AP3M1: variants seen among roughly 807,000 people sequenced by gnomAD.
AP3M1 encodes adaptor related protein complex 3 subunit mu 1.
AP3M1 carries 29 observed loss-of-function variants against 42.6 expected under a neutral mutation model. The ratio of observed to expected loss-of-function variants is 0.68; its 90% confidence interval spans 0.51 to 0.93. The LOEUF is 0.93. AP3M1 is among the 40% of genes least tolerant of loss of function. The probability of loss-of-function intolerance (pLI) is 0.00; values close to 1 mark genes in which losing one functional copy is unlikely to be tolerated. For synonymous variants in AP3M1, 178 were observed against 175.3 expected, an observed-to-expected ratio of 1.02 and a Z score of -0.12; for missense variants, 416 against 510.2, an observed-to-expected ratio of 0.82 and a Z score of 1.78.
chr10:74,131,435 G>C (rs1840778338), intron 4 of AP3M1, among the ~76,000 whole-genome samples: 1 of 152,082 alleles, frequency 6.6e-6, no homozygotes, highest in African/African-American at 2.4e-5. Flanking sequence ...CTAAAGTGCT[G>C]GGATTACAGG....
At chr10:74,128,045 A>C (rs1326036901) in intron 6 of AP3M1, among the ~76,000 whole-genome samples, 1 of 149,566 alleles carries the variant, frequency 6.7e-6, no homozygotes, top group Non-Finnish European at 1.5e-5. Context: ...GGTTGCAGTA[A>C]GCCGAGATTT....
chr10:74,145,299 T>C (rs556258541), intron 1 of AP3M1, among the ~76,000 whole-genome samples: 2 of 152,320 alleles, frequency 1.3e-5, no homozygotes, highest in East Asian at 1.9e-4. Context: ...GTTGTTTTTA[T>C]TGGCAGTAGT....
rs1477644954 is a variant in AP3M1 at position 74,142,075 on chromosome 10, A to G, written c.-3-3693T>C. ...TTACAAGCTGTGTTCCTTCTATGAT[A>G]ACTCATTAGGCTTTACATTGTGATT... On this transcript the variant is annotated intron_variant, in intron 1 of 8. Coordinates refer to ENST00000355264, the MANE Select transcript of AP3M1 (RefSeq NM_012095.6). Among the ~76,000 whole-genome samples, 7 of 152,192 alleles carry G rather than the reference A, an allele frequency of 4.6e-5. No homozygotes were observed. In the South Asian group the frequency reaches 8.3e-4, roughly 18 times the overall value.
chr10:74,131,081 C>T (rs1175017268), intron 4 of AP3M1, among the ~76,000 whole-genome samples: 1 of 152,160 alleles, frequency 6.6e-6, no homozygotes. Context: ...CACTGCACTA[C>T]AGCCTGGGCG....
chr10:74,137,927 G>C (rs977074610), intron 2 of AP3M1, among the ~76,000 whole-genome samples, 180 bp downstream of exon 2: 2 of 152,162 alleles, frequency 1.3e-5, no homozygotes, highest in African/African-American at 4.8e-5. Flanking sequence ...ATAAAAAATA[G>C]TGAATAGAGC....
At chr10:74,147,809 GC>G (rs1841378568) in intron 1 of AP3M1, among the ~76,000 whole-genome samples, 3 of 152,012 alleles carry the variant, frequency 2.0e-5, no homozygotes, top group Non-Finnish European at 4.4e-5. Context: ...GACCAGCCTG[GC>G]CAACATGGCG....
chr10:74,149,267 G>GT lies in AP3M1; in HGVS notation c.-4+1487dup, dbSNP rs57279906. Among the ~76,000 whole-genome samples the GT allele has an allele frequency of 4.2e-4, 25 of 60,098 alleles. 7 individuals are homozygous for GT. Among genetic ancestry groups the GT allele is most frequent in the East Asian group, 1.9e-3 (4 of 2,076 alleles). The allele number at this position is 60,098 out of a possible 152,430, so 39.4% of individuals were successfully genotyped here. ...GAGAGCTTTCCTAAAGATACGTAAG[G>GT]TTTTTTTTTTTTTTTTTTTTTTTTT... On this transcript the variant is annotated intron_variant, in intron 1 of 8. Coordinates refer to ENST00000355264, the MANE Select transcript of AP3M1 (RefSeq NM_012095.6).
chr10:74,144,299 C>T (rs1246807646), intron 1 of AP3M1, among the ~76,000 whole-genome samples: 1 of 151,688 alleles, frequency 6.6e-6, no homozygotes, highest in Non-Finnish European at 1.5e-5. Flanking sequence ...GGGTCTCGCT[C>T]TGTTGCCCAG....
At chr10:74,132,500 G>A (rs781615805) in intron 4 of AP3M1, among the ~76,000 whole-genome samples, 40 of 152,106 alleles carry the variant, frequency 2.6e-4, no homozygotes, top group African/African-American at 9.4e-4. Context: ...AGACCAGCCT[G>A]GGCAACATGG....
At chr10:74,131,278 C>T (rs1840773874) in intron 4 of AP3M1, among the ~76,000 whole-genome samples, 1 of 151,866 alleles carries the variant, frequency 6.6e-6, no homozygotes, top group Admixed American at 6.6e-5. Context: ...CGCCATTCTC[C>T]TGCCTCAGTC....
chr10:74,131,326 C>T (rs1389997527), intron 4 of AP3M1, among the ~76,000 whole-genome samples: 3 of 151,742 alleles, frequency 2.0e-5, no homozygotes, highest in African/African-American at 7.3e-5. Context: ...TGCCACCACA[C>T]CCAGCTAATT....
Position 74,123,581 on chromosome 10 carries a change from A to T in AP3M1, c.*229T>A, listed in dbSNP as rs535743850. 3 of 540,346 alleles carry T rather than the reference A, an allele frequency of 5.6e-6. No individual in the cohort carries two copies. The South Asian group carries it at 7.5e-5, about 13-fold the overall frequency. The allele number at this position is 540,346 out of a possible 1,614,324, so 33.5% of individuals were successfully genotyped here. On this transcript the variant is annotated 3_prime_UTR_variant, in exon 9 of 9. Coordinates refer to ENST00000355264, the MANE Select transcript of AP3M1 (RefSeq NM_012095.6). ...TCCTATGGAAAAAAATCACCTCCAA[A>T]ATCTTCCTAAGTGAAAAGATACAAA...
At chr10:74,126,970 C>CAAA (rs58110411) in intron 6 of AP3M1, among the ~76,000 whole-genome samples, 47 of 32,358 alleles carry the variant, frequency 1.5e-3, no homozygotes, top group East Asian at 4.9e-3. Flanking sequence ...GACGCCATCT[C>CAAA]AAAAAAAAAA....
At chr10:74,144,315 A>G (rs11000890) in intron 1 of AP3M1, among the ~76,000 whole-genome samples, 24,901 of 150,776 alleles carry the variant, frequency 0.17, 2,307 homozygotes, top group African/African-American at 0.26. Context: ...CCCAGGCTGG[A>G]GTGCAGCTGC....
At chr10:74,140,597 T>C (rs1176640355) in intron 1 of AP3M1, among the ~76,000 whole-genome samples, 1 of 149,906 alleles carries the variant, frequency 6.7e-6, no homozygotes. Context: ...AAAAAATATA[T>C]ATATTTGAAT....
In AP3M1 at chr10:74,123,792, A is replaced by C. The variant is rs1840537952; in HGVS notation, c.*18T>G. On this transcript the variant is annotated 3_prime_UTR_variant, in exon 9 of 9. Coordinates refer to ENST00000355264, the MANE Select transcript of AP3M1 (RefSeq NM_012095.6). ...ACACTTGGAAAACAAACTGGTCCTG[A>C]GGAATTTTGGCCTCTTCTCATGTCC... is the stretch of plus-strand genomic sequence containing the variant. 1.3e-6 allele frequency: 2 copies of C among 1,598,574 alleles called. No individual in the cohort carries two copies. Among genetic ancestry groups the C allele is most frequent in the African/African-American group, 2.7e-5 (2 of 74,548 alleles).
At chr10:74,150,434 G>T (rs1841523602) in intron 1 of AP3M1, 1 of 152,498 alleles carries the variant, frequency 6.6e-6, no homozygotes, top group African/African-American at 2.4e-5. Flanking sequence ...GGTCCGTTTG[G>T]GGTTTTGTCC....
At chr10:74,145,340 G>T (rs1841295444) in intron 1 of AP3M1, among the ~76,000 whole-genome samples, 1 of 152,156 alleles carries the variant, frequency 6.6e-6, no homozygotes, top group East Asian at 1.9e-4. Flanking sequence ...AGTTAAACCA[G>T]CCTCCTAGAT....
intron 6 of AP3M1, 162 bp downstream of exon 6, chr10:74,128,946 T>C (rs1389316088): frequency 1.4e-6 from 1 of 719,962 alleles, no homozygotes; most frequent in Non-Finnish European, 2.3e-6. Flanking sequence ...ATACGGATTA[T>C]TTTAGGTGCG....
Sources: allele counts gnomAD v4.1 joint callset (sites outside exome capture counted in the v4.1 genomes callset), GRCh38; gene constraint gnomAD v4.1.1; transcripts MANE v1.5; gene names NCBI Gene and HGNC (gene_info 2026-07-23, HGNC 2026-07-21).